ZFAND6: variants seen among roughly 807,000 people sequenced by gnomAD.
ZFAND6 encodes the protein AN1-type zinc finger protein 6.
A neutral mutation model predicts 24.5 loss-of-function variants in ZFAND6; 12 were observed. The observed-to-expected ratio is 0.49, with a 90% CI of 0.31 to 0.79. ZFAND6 has a LOEUF of 0.79. Ranked by LOEUF, ZFAND6 falls within the 30% of genes least tolerant of loss-of-function variation. The probability of loss-of-function intolerance (pLI) is 0.04; values close to 1 mark genes in which losing one functional copy is unlikely to be tolerated. For missense variants in ZFAND6, 207 were observed against 245.9 expected (o/e 0.84, Z 1.06); for synonymous variants, 92 against 81.5 (o/e 1.13, Z -0.69).
At chr15:80,092,750 T>A (rs906635696) in intron 1 of ZFAND6, among the ~76,000 whole-genome samples, 16 of 152,214 alleles carry the variant, frequency 1.1e-4, no homozygotes, top group Admixed American at 7.2e-4. Context: ...ATAGAATTTT[T>A]AAAAATTGTT....
At chr15:80,108,521 G>T (rs2039451094) in intron 2 of ZFAND6, among the ~76,000 whole-genome samples, 1 of 152,194 alleles carries the variant, frequency 6.6e-6, no homozygotes, top group Non-Finnish European at 1.5e-5. Flanking sequence ...GTGGCCTTGT[G>T]CTGGTAAAAA....
At chr15:80,111,347 C>G (rs916703516) in intron 2 of ZFAND6, 5 of 365,290 alleles carry the variant, frequency 1.4e-5, no homozygotes, top group Non-Finnish European at 2.7e-5. Flanking sequence ...CCTGCAGACA[C>G]CAGAATTTGT....
chr15:80,115,324 C>T (rs1396066412), intron 2 of ZFAND6, among the ~76,000 whole-genome samples: 10 of 152,142 alleles, frequency 6.6e-5, no homozygotes, highest in African/African-American at 2.4e-4. Flanking sequence ...CTCTTCAATT[C>T]ATAGGCTTTT....
chr15:80,078,106 C>A (rs2037401958), intron 1 of ZFAND6, among the ~76,000 whole-genome samples: 1 of 152,158 alleles, frequency 6.6e-6, no homozygotes, highest in Non-Finnish European at 1.5e-5. Flanking sequence ...AGGTTTGTTA[C>A]ATGGGTAAAT....
chr15:80,059,369 T>G (rs1303274599), upstream of ZFAND6, among the ~76,000 whole-genome samples: 1 of 152,226 alleles, frequency 6.6e-6, no homozygotes, highest in East Asian at 1.9e-4. Context: ...CCCGTAGCTA[T>G]TGGAGGTAGA....
At chr15:80,085,449 C>G (rs934040724) in intron 1 of ZFAND6, among the ~76,000 whole-genome samples, 1 of 152,158 alleles carries the variant, frequency 6.6e-6, no homozygotes, top group African/African-American at 2.4e-5. Context: ...ACCTTTGTCT[C>G]CAGAGCTTTC....
At chr15:80,105,781 TC>T (rs1352881014) in intron 2 of ZFAND6, among the ~76,000 whole-genome samples, 1 of 152,238 alleles carries the variant, frequency 6.6e-6, no homozygotes, top group Non-Finnish European at 1.5e-5. Context: ...TAGTTAAACT[TC>T]CTTTCATGAT....
intron 1 of ZFAND6, among the ~76,000 whole-genome samples, chr15:80,084,593 C>T (rs2037880102): frequency 6.6e-6 from 1 of 152,158 alleles, no homozygotes; most frequent in Non-Finnish European, 1.5e-5. Context: ...TCAGAAATGA[C>T]CAAGGCGTTA....
chr15:80,065,128 C>T (rs2036551446), intron 1 of ZFAND6, among the ~76,000 whole-genome samples: 2 of 151,132 alleles, frequency 1.3e-5, no homozygotes, highest in Admixed American at 6.6e-5. Flanking sequence ...CTTCTCCTAC[C>T]CAGTTAAGTT....
At chr15:80,127,376 T>C (rs1339903397) in intron 5 of ZFAND6, among the ~76,000 whole-genome samples, 2 of 151,826 alleles carry the variant, frequency 1.3e-5, no homozygotes, top group Non-Finnish European at 2.9e-5. Context: ...TCACCTTAAG[T>C]CAGGAGTTGG....
At chr15:80,081,855 G>A (rs1352576587) in intron 1 of ZFAND6, among the ~76,000 whole-genome samples, 1 of 152,214 alleles carries the variant, frequency 6.6e-6, no homozygotes, top group African/African-American at 2.4e-5. Flanking sequence ...GTGCAAACTT[G>A]TGTTTGTTAT....
At chr15:80,127,610 A>AAC (rs2040425731) in intron 5 of ZFAND6, among the ~76,000 whole-genome samples, 1 of 151,636 alleles carries the variant, frequency 6.6e-6, no homozygotes, top group African/African-American at 2.4e-5. Flanking sequence ...AAAAAAAAAA[A>AAC]AAAAACCATG....
chr15:80,062,614 T>C (rs2036395888), intron 1 of ZFAND6, among the ~76,000 whole-genome samples: 1 of 152,202 alleles, frequency 6.6e-6, no homozygotes, highest in East Asian at 1.9e-4. Context: ...GTAGAGATGG[T>C]TTCATTTTTT....
chr15:80,077,290 A>G (rs2037338856), intron 1 of ZFAND6, among the ~76,000 whole-genome samples: 1 of 152,220 alleles, frequency 6.6e-6, no homozygotes, highest in Non-Finnish European at 1.5e-5. Context: ...TACATAGATT[A>G]TTTTGCATCA....
intron 1 of ZFAND6, among the ~76,000 whole-genome samples, chr15:80,066,030 CA>C (rs1164667583): frequency 6.6e-6 from 1 of 151,830 alleles, no homozygotes; most frequent in Non-Finnish European, 1.5e-5. Flanking sequence ...TTTATTTTTT[CA>C]ACAAGTATTT....
chr15:80,113,334 C>A (rs2039704049), intron 2 of ZFAND6, among the ~76,000 whole-genome samples: 1 of 152,150 alleles, frequency 6.6e-6, no homozygotes, highest in South Asian at 2.1e-4. Context: ...ACGTGACATT[C>A]CCCAATTTTT....
At chr15:80,078,744 A>G (rs2037441418) in intron 1 of ZFAND6, among the ~76,000 whole-genome samples, 1 of 152,118 alleles carries the variant, frequency 6.6e-6, no homozygotes, top group Non-Finnish European at 1.5e-5. Context: ...ACTTTTTAAT[A>G]ATAGCCATTC....
intron 1 of ZFAND6, among the ~76,000 whole-genome samples, chr15:80,082,305 G>A (rs557881715): frequency 6.6e-6 from 1 of 152,336 alleles, no homozygotes; most frequent in South Asian, 2.1e-4. Flanking sequence ...AATATCATGA[G>A]ATGGGTATTA....
intron 2 of ZFAND6, among the ~76,000 whole-genome samples, chr15:80,113,311 G>T (rs868774717): frequency 3.3e-4 from 50 of 152,298 alleles, no homozygotes; most frequent in African/African-American, 1.2e-3. Context: ...TTCAACAGAA[G>T]AAATCTGGAA....
Sources: gnomAD v4.1 joint callset for allele counts (sites outside exome capture counted in the v4.1 genomes callset) on GRCh38, gnomAD v4.1.1 for gene constraint, MANE v1.5 for transcripts, NCBI Gene and HGNC (gene_info 2026-07-23, HGNC 2026-07-21) for gene names.